The following SYCE2 variants were observed in gnomAD, a reference collection of about 807,000 sequenced individuals.
SYCE2 encodes synaptonemal complex central element protein 2, also known as central element synaptonemal complex 1.
SYCE2 carries 3 observed loss-of-function variants against 27.9 expected under a neutral mutation model. The ratio of observed to expected loss-of-function variants is 0.11; its 90% CI spans 0.05 to 0.28. The LOEUF (loss-of-function observed/expected upper bound fraction) is 0.28, where lower values mean the gene tolerates loss of function less well. SYCE2 is among the 10% of genes least tolerant of loss of function. SYCE2 has a pLI of 1.00. For synonymous variants in SYCE2, 85 were observed against 100.7 expected (o/e 0.84, Z 0.93); for missense variants, 207 against 263.5 (o/e 0.79, Z 1.48).
At chr19:12,912,030 C>T (rs561344595) in intron 2 of SYCE2, among the ~76,000 whole-genome samples, 4 of 151,934 alleles carry the variant, frequency 2.6e-5, no homozygotes, top group South Asian at 2.1e-4. Flanking sequence ...CTCTGCCTCC[C>T]GGGTTCAAGC....
rs75818850 is a variant in SYCE2, at chr19:12,902,890, C to T, written c.306+1602G>A. Among the ~76,000 whole-genome samples the T allele has an allele frequency of 1.4e-3, 213 of 150,784 alleles. 1 individual carries two copies. Among genetic ancestry groups the T allele is most frequent in the African/African-American group, 4.8e-3 (199 of 41,166 alleles). On this transcript the variant is annotated intron_variant, in intron 3 of 5. Transcript: ENST00000293695. ...CAGCAAGCTGTCCCACTCATGTGAC[C>T]CATTATGTATTTTGTTTGTTTGTTT...
chr19:12,908,089 T>G (rs1381631620), intron 2 of SYCE2, among the ~76,000 whole-genome samples: 1 of 151,892 alleles, frequency 6.6e-6, no homozygotes, highest in Non-Finnish European at 1.5e-5. Flanking sequence ...GGAGCCTAGA[T>G]GATATCACGC....
intron 4 of SYCE2, 103 bp from the exon 5 acceptor site, chr19:12,900,223 T>C: frequency 1.4e-6 from 2 of 1,382,876 alleles, no homozygotes; most frequent in Non-Finnish European, 2.0e-6. Context: ...TTGTCCTTTC[T>C]GTCACCACAG....
At chr19:12,908,410 T>C (rs1970980407) in intron 2 of SYCE2, among the ~76,000 whole-genome samples, 1 of 151,618 alleles carries the variant, frequency 6.6e-6, no homozygotes, top group Admixed American at 6.6e-5. Flanking sequence ...CTGCAAGCTC[T>C]GCCTCCCGGG....
In SYCE2 at chr19:12,899,577, T is replaced by C. The variant is rs1222869202; in HGVS notation, c.613-192A>G. On this transcript the variant is annotated intron_variant, in intron 5 of 5. Transcript: ENST00000293695. Reference sequence around the variant, plus strand: ...CAGGGGCCCGAAACTCTCAAGCCCCTTTCTGGAGAGATGCCTGGCTGGACC... The same window carrying C: ...CAGGGGCCCGAAACTCTCAAGCCCCCTTCTGGAGAGATGCCTGGCTGGACC... 1.9e-6 allele frequency: 3 copies of C among 1,613,996 alleles called. No individual in the cohort carries two copies. In the East Asian group the frequency reaches 6.7e-5, roughly 36 times the overall value.
intron 2 of SYCE2, among the ~76,000 whole-genome samples, chr19:12,907,287 G>T (rs1970951592): frequency 6.6e-6 from 1 of 152,200 alleles, no homozygotes; most frequent in Non-Finnish European, 1.5e-5. Context: ...GCAGAGCTGG[G>T]CTTTGTACCC....
intron 2 of SYCE2, among the ~76,000 whole-genome samples, chr19:12,914,603 C>T (rs1971105458): frequency 6.6e-6 from 1 of 151,762 alleles, no homozygotes; most frequent in Non-Finnish European, 1.5e-5. Flanking sequence ...ACAAAGCAGC[C>T]ATATTTTTTT....
At position 12,899,246 on chromosome 19, in the gene SYCE2, G is replaced by A. The variant is rs879066665; in HGVS notation, c.*95C>T. ...TTTTTTTCTGCCAAGATGCATTATA[G>A]AACCATGAAAAACAATTTCTCAGTG... On this transcript the variant is annotated 3_prime_UTR_variant, in exon 6 of 6. Transcript: ENST00000293695. 28 of 1,169,848 alleles carry A rather than the reference G, an allele frequency of 2.4e-5. No individual in the cohort carries two copies. The South Asian group carries it at 3.5e-4, about 15-fold the overall frequency. The allele number at this position is 1,169,848 out of a possible 1,614,324, so 72.5% of individuals were successfully genotyped here.
At chr19:12,910,379 A>T (rs1170913159) in intron 2 of SYCE2, among the ~76,000 whole-genome samples, 1 of 151,382 alleles carries the variant, frequency 6.6e-6, no homozygotes, top group East Asian at 1.9e-4. Context: ...ACAGACTCTC[A>T]CTCGGTCGCT....
intron 1 of SYCE2, among the ~76,000 whole-genome samples, 177 bp downstream of exon 1, chr19:12,919,066 A>C (rs1056446252): frequency 1.3e-5 from 2 of 152,042 alleles, no homozygotes; most frequent in Non-Finnish European, 2.9e-5. Context: ...TCAGTGCGTC[A>C]GTCAGGGCCG....
Position 12,919,278 on chromosome 19 carries a change from A to G in SYCE2, c.-21T>C. 1.2e-6 allele frequency: 2 copies of G among 1,609,684 alleles called. No individual in the cohort carries two copies. The highest frequency in any genetic ancestry group is 1.7e-6 in the Non-Finnish European group (2 of 1,179,960). On this transcript the variant is annotated 5_prime_UTR_variant, in exon 1 of 6. Coordinates refer to ENST00000293695, the MANE Select transcript of SYCE2 (RefSeq NM_001105578.2). ...TCCATTCCGTATTTTCCCGCCTTCA[A>G]GCTCGCACCCTCTGCGCATGCGCCG... is the stretch of plus-strand genomic sequence containing the variant.
Position 12,899,282 on chromosome 19 carries a change from G to C in SYCE2, c.*59C>G. On this transcript the variant is annotated 3_prime_UTR_variant, in exon 6 of 6. Coordinates refer to ENST00000293695, the MANE Select transcript of SYCE2 (RefSeq NM_001105578.2). Reference sequence around the variant, plus strand: ...AACAATTTCTCAGTGTGGCCCAAATGGTGGCCTCACAGTCTTCTCCTGGAG... The same window carrying C: ...AACAATTTCTCAGTGTGGCCCAAATCGTGGCCTCACAGTCTTCTCCTGGAG... 7.0e-7 allele frequency: 1 copy of C among 1,437,294 alleles called. No homozygotes were observed. The highest frequency in any genetic ancestry group is 9.8e-7 in the Non-Finnish European group (1 of 1,019,174). The allele number at this position is 1,437,294 out of a possible 1,614,324, so 89.0% of individuals were successfully genotyped here.
Position 12,904,489 on chromosome 19 carries a change from C to T in SYCE2, c.306+3G>A, listed in dbSNP as rs1438656987. On this transcript the variant is annotated splice_donor_region_variant and intron_variant, in intron 3 of 5. Coordinates refer to ENST00000293695, the MANE Select transcript of SYCE2 (RefSeq NM_001105578.2). ...CCCCCTCTCGCTGGGTGGAGTCTGT[C>T]ACCTTGGTCTTCAGGCTGTTCCTGA... 4 of 1,613,930 alleles carry T rather than the reference C, an allele frequency of 2.5e-6. No individual in the cohort carries two copies.
chr19:12,907,847 C>T (rs1426341901), intron 2 of SYCE2, among the ~76,000 whole-genome samples: 1 of 152,058 alleles, frequency 6.6e-6, no homozygotes, highest in African/African-American at 2.4e-5. Context: ...GCACAGTGGG[C>T]TCACGCCTGT....
chr19:12,904,701 T>C, intron 2 of SYCE2, 35 bp from the exon 3 acceptor site: 1 of 1,610,938 alleles, frequency 6.2e-7, no homozygotes, highest in Non-Finnish European at 8.5e-7. Flanking sequence ...GAAACCTGAC[T>C]TCTCAGAGTA....
Position 12,919,166 on chromosome 19 carries a change from G to C in SYCE2, c.15+77C>G, listed in dbSNP as rs1475131562. On this transcript the variant is annotated intron_variant, in intron 1 of 5. Transcript: ENST00000293695. ...AGCGGCCGGGCTCGGGTCCGCTGGA[G>C]ATGGCTGGGATCGCAGCCGTTCCCT... 33 of 1,584,002 alleles carry C rather than the reference G, an allele frequency of 2.1e-5. No homozygotes were observed. The East Asian group carries it at 7.4e-4, about 35-fold the overall frequency.
Position 12,899,314 on chromosome 19 carries a change from A to G in SYCE2, c.*27T>C. ...TCACAGTCTTCTCCTGGAGACTGTC[A>G]CTAAGGCGTGAGTCTCCCGGCAGCT... On this transcript the variant is annotated 3_prime_UTR_variant, in exon 6 of 6. Transcript: ENST00000293695. 1 of 1,599,928 alleles carries G rather than the reference A, an allele frequency of 6.3e-7. No homozygotes were observed. Among genetic ancestry groups the G allele is most frequent in the Non-Finnish European group, 8.6e-7 (1 of 1,167,060 alleles).
chr19:12,905,552 C>G (rs959098228), intron 2 of SYCE2, among the ~76,000 whole-genome samples: 1 of 152,134 alleles, frequency 6.6e-6, no homozygotes, highest in South Asian at 2.1e-4. Flanking sequence ...AGGATGGTCT[C>G]CATCTCCTGA....
chr19:12,909,615 G>T (rs556018459), intron 2 of SYCE2, among the ~76,000 whole-genome samples: 88 of 151,892 alleles, frequency 5.8e-4, no homozygotes, highest in African/African-American at 2.0e-3. Context: ...TGCCCAGGCT[G>T]GAGTGCAATG....
Sources: gnomAD v4.1 joint callset for allele counts (sites outside exome capture counted in the v4.1 genomes callset) on GRCh38, gnomAD v4.1.1 for gene constraint, MANE v1.5 for transcripts, NCBI Gene and HGNC (gene_info 2026-07-23, HGNC 2026-07-21) for gene names.